Variants in ITGAV observed in about 807,000 individuals in gnomAD.
The protein encoded by ITGAV is integrin subunit alpha V.
A neutral mutation model predicts 143.8 loss-of-function variants in ITGAV; 76 were observed. The observed-to-expected ratio is 0.53, with a 90% CI of 0.44 to 0.64. The LOEUF (loss-of-function observed/expected upper bound fraction) is 0.64, where lower values mean the gene tolerates loss of function less well. ITGAV is among the 30% of genes least tolerant of loss of function. ITGAV has a pLI of 0.00. For missense variants in ITGAV, 1,193 were observed against 1,274.7 expected (o/e 0.94, Z 0.98); for synonymous variants, 453 against 446.7 (o/e 1.01, Z -0.18).
chr2:186,633,074 G>A (rs1019735636), intron 5 of ITGAV, among the ~76,000 whole-genome samples: 3 of 150,970 alleles, frequency 2.0e-5, no homozygotes, highest in Non-Finnish European at 2.9e-5. Context: ...GGCTGAGCTG[G>A]GAAGATAGCT....
At chr2:186,592,424 C>G (rs1686638957) in intron 1 of ITGAV, among the ~76,000 whole-genome samples, 1 of 152,140 alleles carries the variant, frequency 6.6e-6, no homozygotes, top group Admixed American at 6.5e-5. Flanking sequence ...TAGAGAGAGA[C>G]TGTCTCAGAA....
At chr2:186,646,979 G>A in intron 13 of ITGAV, 102 bp downstream of exon 13, 1 of 799,156 alleles carries the variant, frequency 1.3e-6, no homozygotes. Flanking sequence ...TTGCAATTCA[G>A]TATTTCATAT....
chr2:186,653,372 T>G (rs1027131959), intron 15 of ITGAV, among the ~76,000 whole-genome samples: 3 of 152,194 alleles, frequency 2.0e-5, no homozygotes, highest in Non-Finnish European at 4.4e-5. Context: ...TAGTCATTCA[T>G]GAGTTCCCAC....
chr2:186,673,121 T>A (rs1024994635), intron 26 of ITGAV, among the ~76,000 whole-genome samples: 4 of 152,232 alleles, frequency 2.6e-5, no homozygotes, highest in Non-Finnish European at 4.4e-5. Flanking sequence ...GGGTCCAGAT[T>A]GATTCTTTTG....
At chr2:186,669,499 G>A (rs1458160057) in intron 25 of ITGAV, among the ~76,000 whole-genome samples, 2 of 152,114 alleles carry the variant, frequency 1.3e-5, no homozygotes, top group Non-Finnish European at 2.9e-5. Context: ...GTTAGGGAGA[G>A]CTAACTTTTT....
Position 186,667,688 on chromosome 2 carries a change from A to G in ITGAV, c.2345A>G (p.His782Arg), listed in dbSNP as rs199914502. The G allele has an allele frequency of 1.5e-5, 24 of 1,605,244 alleles. No homozygotes were observed. The highest frequency in any genetic ancestry group is 6.7e-5 in the East Asian group (3 of 44,782). The part of the protein sequence containing the change: ...VEIRGVSSPD[H>R]VFLPIPNWEH... The stretch of plus-strand genomic sequence containing the variant: ...TTGTTTAGAGTCTCGAGTCCTGATC[A>G]TGTCTTTCTTCCGATTCCAAACTGG... The change falls in exon 24 of 30, where the codon CAT becomes CGT. Residue 782 changes from histidine (H) to arginine (R), a missense_variant. By Grantham distance (29) the His-to-Arg change is conservative. Transcript: ENST00000261023.
chr2:186,641,693 G>A, intron 12 of ITGAV, 105 bp downstream of exon 12: 15 of 873,532 alleles, frequency 1.7e-5, no homozygotes, highest in Non-Finnish European at 2.6e-5. Context: ...TCTCCTTCCT[G>A]GAAAGGTGGA....
chr2:186,631,476 ACTTTT>A (rs1382642490), intron 5 of ITGAV, among the ~76,000 whole-genome samples: 4 of 152,138 alleles, frequency 2.6e-5, no homozygotes, highest in African/African-American at 9.7e-5. Flanking sequence ...TTTCTGAAGT[ACTTTT>A]CTTTATTTAC....
rs975186808 is a variant in ITGAV, at chr2:186,680,523, G to A, written c.*3231G>A. 6.6e-6 allele frequency: 1 copy of A among 152,434 alleles called. No homozygotes were observed. The allele number at this position is 152,434 out of a possible 1,614,324, so 9.4% of individuals were successfully genotyped here. ...TAATTTCAAAGTTGTCATTAATTTA[G>A]TAAGCCTAATATAAACAAATATTTG... On this transcript the variant is annotated 3_prime_UTR_variant, in exon 30 of 30. Transcript: ENST00000261023.
intron 12 of ITGAV, among the ~76,000 whole-genome samples, chr2:186,642,744 G>A (rs1688145064): frequency 6.6e-6 from 1 of 151,616 alleles, no homozygotes; most frequent in Non-Finnish European, 1.5e-5. Flanking sequence ...TACCCAGGCT[G>A]GTCTCTAACT....
intron 2 of ITGAV, among the ~76,000 whole-genome samples, chr2:186,617,172 A>G (rs1373974382): frequency 6.6e-6 from 1 of 152,182 alleles, no homozygotes; most frequent in Admixed American, 6.5e-5. Flanking sequence ...TTGCTTTTCT[A>G]ATGATTTAGC....
At chr2:186,655,896 A>G (rs1261378575) in intron 16 of ITGAV, among the ~76,000 whole-genome samples, 1 of 152,146 alleles carries the variant, frequency 6.6e-6, no homozygotes, top group Non-Finnish European at 1.5e-5. Flanking sequence ...TGCTACTTGA[A>G]TTTATGATGG....
chr2:186,645,701 T>C (rs1301497767), intron 12 of ITGAV, among the ~76,000 whole-genome samples: 3 of 151,880 alleles, frequency 2.0e-5, no homozygotes, highest in Non-Finnish European at 4.4e-5. Flanking sequence ...GGGCGCGTGG[T>C]TCACGCCTGT....
chr2:186,672,201 C>T (rs112160209), intron 26 of ITGAV, among the ~76,000 whole-genome samples: 193 of 152,250 alleles, frequency 1.3e-3, no homozygotes, highest in African/African-American at 4.4e-3. Flanking sequence ...CCGCCCGCCT[C>T]GGCCTCCCAA....
At position 186,677,024 on chromosome 2, in the gene ITGAV, G is replaced by A. The variant is rs527412015; in HGVS notation, c.3051+89G>A. 1.4e-5 allele frequency: 20 copies of A among 1,399,714 alleles called. No individual in the cohort carries two copies. The Admixed American group carries it at 3.5e-4, about 24-fold the overall frequency. The allele number at this position is 1,399,714 out of a possible 1,614,324, so 86.7% of individuals were successfully genotyped here. On this transcript the variant is annotated intron_variant, in intron 29 of 29. Transcript: ENST00000261023. ...AAAAGAAGAATGAAAAGTAAGGGAA[G>A]GAAGAAAGGGACTGTAATGATGATA...
Position 186,659,898 on chromosome 2 carries a change from T to C in ITGAV, c.1857+723T>C, listed in dbSNP as rs1417086163. Among the ~76,000 whole-genome samples the C allele has an allele frequency of 3.3e-5, 5 of 152,018 alleles. No homozygotes were observed. In the East Asian group the frequency reaches 9.6e-4, roughly 29 times the overall value. Reference sequence around the variant, plus strand: ...ACAATTTCATATTTCATCCTGTACATTAATAATCATAGTATATGTGCCATT... The same window carrying C: ...ACAATTTCATATTTCATCCTGTACACTAATAATCATAGTATATGTGCCATT... On this transcript the variant is annotated intron_variant, in intron 18 of 29. Coordinates refer to ENST00000261023, the MANE Select transcript of ITGAV (RefSeq NM_002210.5).
intron 6 of ITGAV, among the ~76,000 whole-genome samples, chr2:186,634,783 G>A (rs1434752069): frequency 1.3e-5 from 2 of 151,984 alleles, no homozygotes; most frequent in Non-Finnish European, 2.9e-5. Context: ...GAGAAAATAG[G>A]GGATATTAAC....
At chr2:186,593,801 G>C (rs1252041491) in intron 1 of ITGAV, among the ~76,000 whole-genome samples, 1 of 151,994 alleles carries the variant, frequency 6.6e-6, no homozygotes, top group Non-Finnish European at 1.5e-5. Context: ...TAGAGGGTAA[G>C]GAAGGGAAGG....
intron 2 of ITGAV, among the ~76,000 whole-genome samples, chr2:186,613,632 G>A (rs1687277548): frequency 6.6e-6 from 1 of 151,952 alleles, no homozygotes; most frequent in Non-Finnish European, 1.5e-5. Context: ...TGGTCTCTTG[G>A]CCATTTTAAG....
Sources: allele counts gnomAD v4.1 joint callset (sites outside exome capture counted in the v4.1 genomes callset), GRCh38; gene constraint gnomAD v4.1.1; transcripts MANE v1.5; gene names NCBI Gene and HGNC (gene_info 2026-07-23, HGNC 2026-07-21).